The following SORL1 variants were observed in gnomAD, a reference collection of about 807,000 sequenced individuals.
SORL1 encodes the protein sortilin related receptor 1, also known as sortilin-related receptor.
Under a neutral mutation model 273.7 loss-of-function variants are expected in SORL1, and 127 were observed. The ratio of observed to expected loss-of-function variants is 0.46; its 90% CI spans 0.40 to 0.54. The LOEUF is 0.54. SORL1 is among the 20% of genes least tolerant of loss of function. The probability of loss-of-function intolerance (pLI) is 0.00; values close to 1 mark genes in which losing one functional copy is unlikely to be tolerated. For missense variants in SORL1, 2,494 were observed against 2,846.1 expected (o/e 0.88, Z 2.81); for synonymous variants, 1,031 against 1,067.4 (o/e 0.97, Z 0.66).
chr11:121,546,448 C>T (rs1398611353), intron 14 of SORL1, among the ~76,000 whole-genome samples: 4 of 152,106 alleles, frequency 2.6e-5, no homozygotes, highest in African/African-American at 9.7e-5. Flanking sequence ...TGTAATTCAG[C>T]ATGAAATCAT....
chr11:121,632,138 G>A lies in SORL1; in HGVS notation c.*2575G>A, dbSNP rs1453696052. On this transcript the variant is annotated 3_prime_UTR_variant, in exon 48 of 48. Coordinates refer to ENST00000260197, the MANE Select transcript of SORL1 (RefSeq NM_003105.6). ...CCACCTCAGAAGTTCACACTGTGCA[G>A]GAAAAAGGTTTTATTCTCTCCTGGC... The A allele has an allele frequency of 4.6e-5, 7 of 152,164 alleles. No individual in the cohort carries two copies. The East Asian group carries it at 1.3e-3, about 29-fold the overall frequency. 9.4% of individuals were successfully genotyped at this position (152,164 alleles called of 1,614,324 possible).
At chr11:121,628,631 C>A (rs1448641620) in intron 47 of SORL1, among the ~76,000 whole-genome samples, 1 of 152,102 alleles carries the variant, frequency 6.6e-6, no homozygotes, top group Non-Finnish European at 1.5e-5. Context: ...TAAGAAGTTT[C>A]CCGTTTTGAA....
chr11:121,516,959 G>A (rs891865868), intron 8 of SORL1, among the ~76,000 whole-genome samples: 7 of 152,176 alleles, frequency 4.6e-5, no homozygotes, highest in Non-Finnish European at 1.0e-4. Flanking sequence ...GGCTGAGGCA[G>A]GAGAAATGCT....
chr11:121,525,123 C>G (rs1862102970), intron 11 of SORL1, among the ~76,000 whole-genome samples: 1 of 152,202 alleles, frequency 6.6e-6, no homozygotes, highest in African/African-American at 2.4e-5. Flanking sequence ...CCATCCCACT[C>G]TCCAGTCTTG....
intron 24 of SORL1, chr11:121,576,881 C>T (rs2134936661): frequency 6.5e-7 from 1 of 1,535,640 alleles, no homozygotes; most frequent in Non-Finnish European, 8.7e-7. Flanking sequence ...TTTCTCAAAC[C>T]ACAGGCTGTG....
In SORL1 at chr11:121,587,981, A is replaced by G. The variant is rs1187880055; in HGVS notation, c.3815-39A>G. The G allele has an allele frequency of 2.5e-6, 4 of 1,608,340 alleles. No individual in the cohort carries two copies. The African/African-American group carries it at 4.0e-5, about 16-fold the overall frequency. On this transcript the variant is annotated intron_variant, in intron 27 of 47. Coordinates refer to ENST00000260197, the MANE Select transcript of SORL1 (RefSeq NM_003105.6). ...AGGGCTAGAGGGCCCAGCCAGCCGC[A>G]GTGCTCATGGCCTCTTCCCTTCTCT...
At chr11:121,509,626 T>C (rs551663783) in intron 6 of SORL1, among the ~76,000 whole-genome samples, 1 of 152,002 alleles carries the variant, frequency 6.6e-6, no homozygotes, top group East Asian at 1.9e-4. Flanking sequence ...ACAGGCATAC[T>C]CTACCATGCC....
At chr11:121,592,428 GT>G (rs921041174) in intron 31 of SORL1, among the ~76,000 whole-genome samples, 1 of 152,200 alleles carries the variant, frequency 6.6e-6, no homozygotes, top group African/African-American at 2.4e-5. Flanking sequence ...GTTCACAAAA[GT>G]TTGGGATTTC....
At chr11:121,495,110 G>T (rs1187009623) in intron 5 of SORL1, among the ~76,000 whole-genome samples, 1 of 152,154 alleles carries the variant, frequency 6.6e-6, no homozygotes, top group East Asian at 1.9e-4. Context: ...TCAAGACAGG[G>T]TATTGCTCTG....
At chr11:121,519,220 A>G (rs1193366440) in intron 8 of SORL1, among the ~76,000 whole-genome samples, 1 of 151,992 alleles carries the variant, frequency 6.6e-6, no homozygotes, top group Non-Finnish European at 1.5e-5. Flanking sequence ...TGCTGGGATT[A>G]CAGGTGTGAG....
chr11:121,519,996 A>G (rs1441261306), intron 8 of SORL1, among the ~76,000 whole-genome samples: 1 of 152,200 alleles, frequency 6.6e-6, no homozygotes, highest in East Asian at 1.9e-4. Flanking sequence ...CATGCCTGTA[A>G]TCCCAGCACT....
intron 21 of SORL1, among the ~76,000 whole-genome samples, chr11:121,565,422 A>C (rs1219082127): frequency 6.6e-6 from 1 of 152,232 alleles, no homozygotes; most frequent in Non-Finnish European, 1.5e-5. Flanking sequence ...CACACACCCA[A>C]AGCTACTGCG....
At chr11:121,505,309 A>T (rs1044592446) in intron 6 of SORL1, among the ~76,000 whole-genome samples, 2 of 151,682 alleles carry the variant, frequency 1.3e-5, no homozygotes, top group African/African-American at 4.8e-5. Flanking sequence ...TTTCTTTCCT[A>T]ATTTTAGTAA....
rs369452353 is a variant in SORL1 at position 121,577,348 on chromosome 11, A to G, written c.3528A>G (p.Val1176=). The stretch of plus-strand genomic sequence containing the variant: ...GCATGTGCATCCGCTCCTCCTGGGT[A>G]TGTGACGGGGACAACGACTGCAGGG... ...SSGMCIRSSW[V]CDGDNDCRDW... The change falls in exon 25 of 48, where the codon GTA becomes GTG. Residue 1176 remains valine (V), a synonymous_variant. Transcript: ENST00000260197. 1.8e-5 allele frequency: 29 copies of G among 1,613,558 alleles called. No homozygotes were observed. Among genetic ancestry groups the G allele is most frequent in the Non-Finnish European group, 2.5e-5 (29 of 1,179,754 alleles).
chr11:121,567,946 C>T (rs913018994), intron 22 of SORL1, among the ~76,000 whole-genome samples: 3 of 152,134 alleles, frequency 2.0e-5, no homozygotes, highest in Non-Finnish European at 2.9e-5. Context: ...TGCTGTATTG[C>T]CCAGGCTGGC....
At chr11:121,489,953 G>A (rs1292911428) in intron 4 of SORL1, 90 bp from the exon 5 acceptor site, 17 of 933,176 alleles carry the variant, frequency 1.8e-5, no homozygotes, top group Non-Finnish European at 3.0e-5. Flanking sequence ...AGCGTGTCAT[G>A]GAAGGTGGGA....
Position 121,583,700 on chromosome 11 carries a change from C to G in SORL1, c.3706+117C>G, listed in dbSNP as rs900873448. 4.5e-6 allele frequency: 5 copies of G among 1,119,832 alleles called. No individual in the cohort carries two copies. In the East Asian group the frequency reaches 1.5e-4, roughly 32 times the overall value. The allele number at this position is 1,119,832 out of a possible 1,614,324, so 69.4% of individuals were successfully genotyped here. On this transcript the variant is annotated intron_variant, in intron 26 of 47. Coordinates refer to ENST00000260197, the MANE Select transcript of SORL1 (RefSeq NM_003105.6). ...GTTCTCCTATGCCTGTATTTACACTCTGAAACCAAATAAGCCCATCTACTT... is the reference window on the plus strand; with the variant it reads ...GTTCTCCTATGCCTGTATTTACACTGTGAAACCAAATAAGCCCATCTACTT...
In SORL1 at chr11:121,576,992, A is replaced by G. The variant is rs367618115; in HGVS notation, c.3461-289A>G. 190 of 1,441,882 alleles carry G rather than the reference A, an allele frequency of 1.3e-4. 2 individuals carry two copies. In the South Asian group the frequency reaches 2.2e-3, roughly 16 times the overall value. 89.3% of individuals were successfully genotyped at this position (1,441,882 alleles called of 1,614,324 possible). A position where few individuals can be genotyped will look rare whatever the true frequency, so the allele number is the denominator to read the frequency against. ...TCATAGCAAGCATAGAAAATAATATATGTGGAGAGCACTGGGATGAATGGA... is the reference window on the plus strand; with the variant it reads ...TCATAGCAAGCATAGAAAATAATATGTGTGGAGAGCACTGGGATGAATGGA... On this transcript the variant is annotated intron_variant, in intron 24 of 47. Coordinates refer to ENST00000260197, the MANE Select transcript of SORL1 (RefSeq NM_003105.6).
In SORL1 at chr11:121,608,312, C is replaced by A. The variant is rs189001722; in HGVS notation, c.5239+136C>A. The A allele has an allele frequency of 1.9e-4, 138 of 714,692 alleles. No individual in the cohort carries two copies. The East Asian group carries it at 3.1e-3, about 16-fold the overall frequency. 44.3% of individuals were successfully genotyped at this position (714,692 alleles called of 1,614,324 possible). A position where few individuals can be genotyped will look rare whatever the true frequency, so the allele number is the denominator to read the frequency against. ...AACTTTCTTCTCCCCAACACACGCA[C>A]ATTTTTGGGTGTCTCTGTAGTGCTT... On this transcript the variant is annotated intron_variant, in intron 38 of 47. Transcript: ENST00000260197.
Sources: gnomAD v4.1 joint callset for allele counts (sites outside exome capture counted in the v4.1 genomes callset) on GRCh38, gnomAD v4.1.1 for gene constraint, MANE v1.5 for transcripts, NCBI Gene and HGNC (gene_info 2026-07-23, HGNC 2026-07-21) for gene names.